The following DOCK2 variants were observed in gnomAD, a reference collection of about 807,000 sequenced individuals.
DOCK2 encodes dedicator of cytokinesis 2, also known as dedicator of cytokinesis protein 2.
DOCK2 carries 87 observed loss-of-function variants against 248.9 expected under a neutral mutation model. The ratio of observed to expected loss-of-function variants is 0.35; its 90% CI spans 0.29 to 0.42. The LOEUF (loss-of-function observed/expected upper bound fraction) is 0.42. Among genes scored for constraint, DOCK2 ranks in the 10% least tolerant of loss-of-function variants. The pLI is 1.00. For missense variants in DOCK2, 1,747 were observed against 2,300.2 expected (o/e 0.76, Z 4.92); for synonymous variants, 805 against 821.6 (o/e 0.98, Z 0.35).
rs113483078 is a variant in DOCK2 at position 169,659,235 on chromosome 5, G to A, written c.127+4749G>A. 9.8e-3 allele frequency among the ~76,000 whole-genome samples: 1,489 copies of A among 152,078 alleles called. 31 individuals are homozygous for A. The highest frequency in any genetic ancestry group is 0.035 in the African/African-American group (1,434 of 41,472). On this transcript the variant is annotated intron_variant, in intron 2 of 51. Coordinates refer to ENST00000520908, the MANE Select transcript of DOCK2 (RefSeq NM_004946.3). ...CTTTTGAATTAGAAAGTTATTCCCT[G>A]CTTCTGCTACCCACTAGTGGAGTCA...
rs1209261679 is a variant in DOCK2 at position 169,714,172 on chromosome 5, A to G, written c.1804A>G (p.Ile602Val). The G allele has an allele frequency of 6.2e-7, 1 of 1,613,040 alleles. No individual in the cohort carries two copies. Among genetic ancestry groups the G allele is most frequent in the East Asian group, 2.2e-5 (1 of 44,858 alleles). Residue 602 changes from isoleucine (I) to valine (V), a missense_variant, in exon 18 of 52, where the codon ATT becomes GTT. By Grantham distance (29) the Ile-to-Val change is conservative. This residue lies in a region of DOCK2 where 858 missense variants were observed against 1,183.5 expected (regional missense o/e 0.72). Coordinates refer to ENST00000520908, the MANE Select transcript of DOCK2 (RefSeq NM_004946.3). The stretch of plus-strand genomic sequence containing the variant: ...TGTCAGCTCCCGGGATGTGTTCTCC[A>G]TTTCCACCCTGGTGTGCTCCACAAA... ...LSVSSRDVFS[I>V]STLVCSTKLT...
In DOCK2 at chr5:170,034,395, G is replaced by A. The variant is rs3763047; in HGVS notation, c.3468-4G>A. On this transcript the variant is annotated splice_polypyrimidine_tract_variant and splice_region_variant and intron_variant, in intron 34 of 51. Coordinates refer to ENST00000520908, the MANE Select transcript of DOCK2 (RefSeq NM_004946.3). Reference sequence around the variant, plus strand: ...AGCTCACTGCCCTCTGGTCTCTGCCGCAGCCTGATGGAATGTGCTGCAGAG... The same window carrying A: ...AGCTCACTGCCCTCTGGTCTCTGCCACAGCCTGATGGAATGTGCTGCAGAG... 0.36 allele frequency: 574,113 copies of A among 1,613,418 alleles called. 107,748 individuals carry two copies. The highest frequency in any genetic ancestry group is 0.6 in the African/African-American group (45,250 of 74,940).
chr5:170,017,702 G>A (rs1021058923), intron 32 of DOCK2, among the ~76,000 whole-genome samples: 5 of 152,020 alleles, frequency 3.3e-5, no homozygotes, highest in African/African-American at 9.7e-5. Flanking sequence ...TGAGGACACC[G>A]AGGCCCCGAG....
At chr5:169,955,239 C>T (rs1252859602) in intron 27 of DOCK2, among the ~76,000 whole-genome samples, 1 of 152,134 alleles carries the variant, frequency 6.6e-6, no homozygotes, top group Non-Finnish European at 1.5e-5. Flanking sequence ...GGAGATGCCC[C>T]TGCCCGGGAC....
chr5:170,059,118 CT>C (rs1185441172), intron 44 of DOCK2, among the ~76,000 whole-genome samples: 1 of 152,118 alleles, frequency 6.6e-6, no homozygotes, highest in Non-Finnish European at 1.5e-5. Flanking sequence ...TTAACCTCCC[CT>C]GTCAGGCACC....
intron 29 of DOCK2, among the ~76,000 whole-genome samples, chr5:169,993,967 A>G (rs1370066921): frequency 6.6e-6 from 1 of 152,238 alleles, no homozygotes; most frequent in Non-Finnish European, 1.5e-5. Context: ...GATATGAGAG[A>G]AAGTCATAGT....
chr5:169,844,219 A>G (rs1770167271), intron 27 of DOCK2, among the ~76,000 whole-genome samples: 1 of 152,246 alleles, frequency 6.6e-6, no homozygotes, highest in Non-Finnish European at 1.5e-5. Context: ...AAGAGATTAA[A>G]CAATGACTTG....
At chr5:169,966,179 T>C (rs1777291540) in intron 27 of DOCK2, among the ~76,000 whole-genome samples, 1 of 152,232 alleles carries the variant, frequency 6.6e-6, no homozygotes, top group Admixed American at 6.5e-5. Context: ...AATTGGTGGC[T>C]TGATTTAGTG....
chr5:169,700,036 G>C lies in DOCK2; in HGVS notation c.1155G>C (p.Met385Ile). ...GGQGLWVTMK[M>I]LVGDIIQIRK... ...CAGGCCTCTGGGTGACCATGAAGAT[G>C]CTGGTGGGTGACATCATTCAGATTC... Residue 385 changes from methionine (M) to isoleucine (I), a missense_variant, in exon 13 of 52, where the codon ATG becomes ATC. This residue lies in a region of DOCK2 where 375 missense variants were observed against 510.9 expected (regional missense o/e 0.73). Coordinates refer to ENST00000520908, the MANE Select transcript of DOCK2 (RefSeq NM_004946.3). 6.2e-7 allele frequency: 1 copy of C among 1,613,952 alleles called. No individual in the cohort carries two copies. The highest frequency in any genetic ancestry group is 8.5e-7 in the Non-Finnish European group (1 of 1,179,862).
At chr5:170,055,263 C>A (rs1757082117) in intron 41 of DOCK2, 42 bp from the exon 42 acceptor site, 2 of 1,597,940 alleles carry the variant, frequency 1.3e-6, no homozygotes, top group Non-Finnish European at 1.7e-6. Flanking sequence ...AAAACTGTCC[C>A]CGCAGCCAAC....
chr5:169,685,688 G>A (rs929754788), intron 8 of DOCK2, among the ~76,000 whole-genome samples: 6 of 152,168 alleles, frequency 3.9e-5, no homozygotes, highest in Non-Finnish European at 7.3e-5. Flanking sequence ...AGTAAACAGC[G>A]GCCTCCTGGA....
chr5:169,911,758 C>A (rs1774610711), intron 27 of DOCK2, among the ~76,000 whole-genome samples: 2 of 152,044 alleles, frequency 1.3e-5, no homozygotes, highest in Non-Finnish European at 2.9e-5. Context: ...TGTGCAAAAC[C>A]AACACAAGAC....
At chr5:169,822,726 A>G (rs1768548254) in intron 26 of DOCK2, among the ~76,000 whole-genome samples, 1 of 152,196 alleles carries the variant, frequency 6.6e-6, no homozygotes, top group Non-Finnish European at 1.5e-5. Context: ...AGCAAGAACA[A>G]ACACATTCAA....
intron 32 of DOCK2, among the ~76,000 whole-genome samples, chr5:170,014,334 A>T (rs1755427727): frequency 6.6e-6 from 1 of 152,236 alleles, no homozygotes; most frequent in Non-Finnish European, 1.5e-5. Context: ...ATAGGATACA[A>T]GCCTTCTAAT....
intron 27 of DOCK2, among the ~76,000 whole-genome samples, chr5:169,848,465 G>T (rs1770446190): frequency 6.6e-6 from 1 of 152,190 alleles, no homozygotes; most frequent in Non-Finnish European, 1.5e-5. Context: ...GCGTGGTGAG[G>T]GTGTGCCTCA....
At chr5:170,010,198 C>T (rs1055601176) in intron 32 of DOCK2, among the ~76,000 whole-genome samples, 6 of 152,186 alleles carry the variant, frequency 3.9e-5, no homozygotes, top group Admixed American at 3.3e-4. Flanking sequence ...ATGCCAGTAG[C>T]ACCCTCCCTA....
chr5:170,018,970 A>G lies in DOCK2; in HGVS notation c.3243A>G (p.Lys1081=), dbSNP rs1269099362. 4.3e-6 allele frequency: 7 copies of G among 1,613,838 alleles called. No homozygotes were observed. Among genetic ancestry groups the G allele is most frequent in the African/African-American group, 1.3e-5 (1 of 74,872 alleles). ...CCTCTTCTCTTTCAGGTCAGAACAA[A>G]ATCTGCTTCATCCCAGGCATGGTAG... The part of the protein sequence containing the change: ...RDMWYKLGQN[K]ICFIPGMVGP... Residue 1081 remains lysine (K), a synonymous_variant, in exon 33 of 52, where the codon AAA becomes AAG. Transcript: ENST00000520908.
intron 27 of DOCK2, among the ~76,000 whole-genome samples, chr5:169,894,986 T>A (rs925563787): frequency 1.1e-4 from 16 of 152,304 alleles, no homozygotes; most frequent in African/African-American, 3.6e-4. Flanking sequence ...CAAGAACATC[T>A]CTGTGGCTTT....
intron 27 of DOCK2, among the ~76,000 whole-genome samples, chr5:169,978,573 G>C (rs1332831813): frequency 2.0e-5 from 3 of 152,076 alleles, no homozygotes; most frequent in Non-Finnish European, 4.4e-5. Flanking sequence ...CAATCACCTA[G>C]TATCCCAGCT....
Sources: gnomAD v4.1 joint callset for allele counts (sites outside exome capture counted in the v4.1 genomes callset) on GRCh38, gnomAD v4.1.1 for gene constraint, gnomAD v4.1.1 regional missense constraint, MANE v1.5 for transcripts, NCBI Gene and HGNC (gene_info 2026-07-23, HGNC 2026-07-21) for gene names.